The following PDE4D variants were observed in gnomAD, a reference collection of about 807,000 sequenced individuals.
The protein encoded by PDE4D is 3',5'-cyclic-AMP phosphodiesterase 4D.
In PDE4D, 24 loss-of-function variants were observed where a neutral mutation model predicts 87.4. The observed-to-expected ratio is 0.27, with a 90% CI of 0.20 to 0.39. The LOEUF is 0.39. Among genes scored for constraint, PDE4D ranks in the 10% least tolerant of loss-of-function variants. PDE4D has a pLI of 1.00. For missense variants in PDE4D, 714 were observed against 1,041.0 expected (o/e 0.69, Z 4.32); for synonymous variants, 384 against 383.2 (o/e 1.00, Z -0.02).
intron 1 of PDE4D, among the ~76,000 whole-genome samples, chr5:59,745,762 A>G (rs1759511454): frequency 6.6e-6 from 1 of 152,164 alleles, no homozygotes; most frequent in Non-Finnish European, 1.5e-5. Flanking sequence ...AAAAAGAAAG[A>G]AAGAAAAAAA....
At chr5:59,689,000 C>A (rs1217979007) in intron 1 of PDE4D, among the ~76,000 whole-genome samples, 1 of 152,176 alleles carries the variant, frequency 6.6e-6, no homozygotes, top group East Asian at 1.9e-4. Flanking sequence ...GACACATACA[C>A]CCTCCCAAGA....
At chr5:59,254,770 C>T (rs1760636075) in intron 1 of PDE4D, among the ~76,000 whole-genome samples, 1 of 152,092 alleles carries the variant, frequency 6.6e-6, no homozygotes, top group South Asian at 2.1e-4. Context: ...GTGTAGCCAC[C>T]TCTTCCTCAA....
chr5:59,917,929 A>G (rs962549896), intron 3 of PDE4D, among the ~76,000 whole-genome samples: 3 of 152,102 alleles, frequency 2.0e-5, no homozygotes, highest in African/African-American at 7.2e-5. Flanking sequence ...AAACTGCTAT[A>G]AACATTTAAT....
intron 1 of PDE4D, among the ~76,000 whole-genome samples, chr5:59,487,629 T>C (rs1805388914): frequency 6.6e-6 from 1 of 151,824 alleles, no homozygotes; most frequent in South Asian, 2.1e-4. Flanking sequence ...TAAACTAAGA[T>C]AGCACTAATA....
intron 1 of PDE4D, among the ~76,000 whole-genome samples, chr5:60,186,636 G>A (rs1163896875): frequency 3.9e-5 from 6 of 152,192 alleles, no homozygotes; most frequent in African/African-American, 1.4e-4. Flanking sequence ...TAGTGTAGGT[G>A]TAGGCTGATG....
At chr5:59,050,622 T>C (rs1206690779) in intron 5 of PDE4D, among the ~76,000 whole-genome samples, 1 of 152,240 alleles carries the variant, frequency 6.6e-6, no homozygotes, top group Non-Finnish European at 1.5e-5. Context: ...CTAAGAAAGT[T>C]ATTATACACA....
At chr5:59,609,890 CAA>C (rs1828763612) in intron 1 of PDE4D, among the ~76,000 whole-genome samples, 1 of 152,082 alleles carries the variant, frequency 6.6e-6, no homozygotes, top group Non-Finnish European at 1.5e-5. Flanking sequence ...CCCGGAAATA[CAA>C]AGAGTTGTGT....
intron 1 of PDE4D, among the ~76,000 whole-genome samples, chr5:59,891,306 T>C (rs1181923523): frequency 6.6e-6 from 1 of 152,222 alleles, no homozygotes; most frequent in East Asian, 1.9e-4. Context: ...ATGAAGTCAA[T>C]TAAGAAACTC....
At chr5:60,506,082 T>C (rs1232529358) in intron 1 of PDE4D, among the ~76,000 whole-genome samples, 4 of 152,234 alleles carry the variant, frequency 2.6e-5, no homozygotes, top group Non-Finnish European at 5.9e-5. Flanking sequence ...GAGATCCAGA[T>C]GGCAAGCTCT....
intron 1 of PDE4D, among the ~76,000 whole-genome samples, chr5:59,706,785 CGA>C (rs1221378213): frequency 6.6e-6 from 1 of 152,032 alleles, no homozygotes; most frequent in Non-Finnish European, 1.5e-5. Context: ...AATCCTTTTC[CGA>C]GCTCCTTCTC....
chr5:60,136,322 T>C (rs1159805705), intron 2 of PDE4D, among the ~76,000 whole-genome samples: 1 of 152,094 alleles, frequency 6.6e-6, no homozygotes, highest in Non-Finnish European at 1.5e-5. Context: ...TATCTTTTTT[T>C]TTTTTAATTT....
chr5:60,182,072 A>G (rs2149501640), intron 2 of PDE4D, among the ~76,000 whole-genome samples: 1 of 152,304 alleles, frequency 6.6e-6, no homozygotes, highest in South Asian at 2.1e-4. Flanking sequence ...TTAAATAGTA[A>G]ATCCATTGAT....
intron 1 of PDE4D, among the ~76,000 whole-genome samples, chr5:59,514,739 C>T (rs1305924382): frequency 6.6e-6 from 1 of 152,142 alleles, no homozygotes; most frequent in Non-Finnish European, 1.5e-5. Flanking sequence ...TATTTAACCT[C>T]CATGTACCTC....
chr5:59,363,141 C>T (rs550958388), intron 1 of PDE4D, among the ~76,000 whole-genome samples: 10 of 152,212 alleles, frequency 6.6e-5, no homozygotes, highest in Admixed American at 2.0e-4. Context: ...TGTTTATTGA[C>T]CTTGCTGAGT....
At chr5:60,375,003 A>C (rs1256651522) in intron 1 of PDE4D, among the ~76,000 whole-genome samples, 1 of 152,182 alleles carries the variant, frequency 6.6e-6, no homozygotes, top group Non-Finnish European at 1.5e-5. Context: ...GTCATAGACA[A>C]AGTTAGCTAG....
chr5:59,460,044 T>C lies in PDE4D; in HGVS notation c.456-244076A>G, dbSNP rs556366732. On this transcript the variant is annotated intron_variant, in intron 1 of 14. Coordinates refer to ENST00000340635, the MANE Select transcript of PDE4D (RefSeq NM_001104631.2). ...TGTAATGTTAAGAAGACATTAAATG[T>C]GAAAAATGATGTCCATATGGAAAAA... Among the ~76,000 whole-genome samples the C allele has an allele frequency of 2.6e-5, 4 of 152,094 alleles. No individual in the cohort carries two copies. In the East Asian group the frequency reaches 7.7e-4, roughly 29 times the overall value.
At chr5:59,502,663 A>AGTGTGTGTGTGTGT (rs56100725) in intron 1 of PDE4D, among the ~76,000 whole-genome samples, 1 of 135,174 alleles carries the variant, frequency 7.4e-6, no homozygotes, top group Non-Finnish European at 1.6e-5. Context: ...TCCTTAAGGT[A>AGTGTGTGTGTGTGT]GTGTGTGTGT....
At chr5:59,318,772 G>A (rs1774189960) in intron 1 of PDE4D, among the ~76,000 whole-genome samples, 1 of 151,974 alleles carries the variant, frequency 6.6e-6, no homozygotes, top group Admixed American at 6.6e-5. Context: ...TGCTGTTTTT[G>A]TAATTAGCAA....
At chr5:59,431,785 C>T (rs1448298581) in intron 1 of PDE4D, among the ~76,000 whole-genome samples, 1 of 152,044 alleles carries the variant, frequency 6.6e-6, no homozygotes, top group African/African-American at 2.4e-5. Context: ...CTCCTCCCAC[C>T]TTCACCCTCA....
Sources: gnomAD v4.1 joint callset for allele counts (sites outside exome capture counted in the v4.1 genomes callset) on GRCh38, gnomAD v4.1.1 for gene constraint, MANE v1.5 for transcripts, NCBI Gene and HGNC (gene_info 2026-07-23, HGNC 2026-07-21) for gene names.